ARHGAP10: variants seen among roughly 807,000 people sequenced by gnomAD.
ARHGAP10 encodes rho GTPase-activating protein 10.
Under a neutral mutation model 108.6 loss-of-function variants are expected in ARHGAP10, and 87 were observed. That is an observed-to-expected ratio of 0.80 (90% CI 0.67 to 0.96). ARHGAP10 has a LOEUF of 0.96. Among genes scored for constraint, ARHGAP10 ranks in the 40% least tolerant of loss-of-function variants. The pLI is 0.00. For synonymous variants in ARHGAP10, 347 were observed against 341.1 expected (o/e 1.02, Z -0.19); for missense variants, 939 against 954.5 (o/e 0.98, Z 0.21).
chr4:147,967,765 C>T (rs1739260784), intron 18 of ARHGAP10, among the ~76,000 whole-genome samples: 2 of 152,070 alleles, frequency 1.3e-5, no homozygotes, highest in Non-Finnish European at 2.9e-5. Context: ...ATCTGCAAGG[C>T]TTTTCTGTAA....
intron 1 of ARHGAP10, among the ~76,000 whole-genome samples, chr4:147,817,102 T>G (rs934044724): frequency 6.6e-6 from 1 of 152,208 alleles, no homozygotes; most frequent in Non-Finnish European, 1.5e-5. Context: ...TAAAGAATCT[T>G]GTATTCAGAT....
rs1303312285 is a variant in ARHGAP10 at position 147,815,521 on chromosome 4, A to T, written c.155-7206A>T. Reference sequence around the variant, plus strand: ...CTTGGATTATCGTAGGGCCCATTGTAATCACAGTGGTCCTTAAAAGAGAGA... The same window carrying T: ...CTTGGATTATCGTAGGGCCCATTGTTATCACAGTGGTCCTTAAAAGAGAGA... On this transcript the variant is annotated intron_variant, in intron 1 of 22. Coordinates refer to ENST00000336498, the MANE Select transcript of ARHGAP10 (RefSeq NM_024605.4). 2.0e-5 allele frequency among the ~76,000 whole-genome samples: 3 copies of T among 152,128 alleles called. No individual in the cohort carries two copies. In the East Asian group the frequency reaches 5.8e-4, roughly 29 times the overall value.
At chr4:148,049,455 G>C (rs201015180) in intron 20 of ARHGAP10, among the ~76,000 whole-genome samples, 2 of 152,188 alleles carry the variant, frequency 1.3e-5, no homozygotes, top group African/African-American at 4.8e-5. Context: ...GTGCGTTGCT[G>C]TCCTCCCAGT....
chr4:147,746,400 C>A (rs1454742422), intron 1 of ARHGAP10, among the ~76,000 whole-genome samples: 4 of 148,460 alleles, frequency 2.7e-5, no homozygotes, highest in Non-Finnish European at 4.4e-5. Context: ...CTGCGCCAGG[C>A]CTGCTTTTTT....
At chr4:147,732,977 C>G (rs961657763) in intron 1 of ARHGAP10, among the ~76,000 whole-genome samples, 2 of 152,184 alleles carry the variant, frequency 1.3e-5, no homozygotes, top group African/African-American at 2.4e-5. Flanking sequence ...CTGATCTTCC[C>G]CGACAGTCCT....
intron 13 of ARHGAP10, among the ~76,000 whole-genome samples, chr4:147,927,764 A>G (rs538921689): frequency 1.3e-5 from 2 of 152,316 alleles, no homozygotes; most frequent in South Asian, 4.1e-4. Flanking sequence ...TCCTAAGGGA[A>G]GGCGCAGAGG....
At chr4:148,028,383 T>G (rs377079900) in intron 19 of ARHGAP10, among the ~76,000 whole-genome samples, 1 of 152,196 alleles carries the variant, frequency 6.6e-6, no homozygotes, top group Non-Finnish European at 1.5e-5. Flanking sequence ...CTGGGGAATA[T>G]GTATCCTGAC....
intron 1 of ARHGAP10, among the ~76,000 whole-genome samples, chr4:147,765,337 T>TGTGG (rs540944488): frequency 0.024 from 1,396 of 57,938 alleles, 27 homozygotes; most frequent in Middle Eastern, 0.035. Flanking sequence ...TGTGTGTGTG[T>TGTGG]GGGGGGGGGG....
chr4:147,981,832 T>C (rs1739818166), intron 18 of ARHGAP10, among the ~76,000 whole-genome samples: 1 of 152,152 alleles, frequency 6.6e-6, no homozygotes, highest in Non-Finnish European at 1.5e-5. Context: ...TTTTTTTTAC[T>C]GTTGTTGGTT....
At chr4:147,806,275 A>G (rs1731780316) in intron 1 of ARHGAP10, among the ~76,000 whole-genome samples, 1 of 152,062 alleles carries the variant, frequency 6.6e-6, no homozygotes, top group Non-Finnish European at 1.5e-5. Context: ...AGTTACATAT[A>G]TCTATTATCT....
In ARHGAP10 at chr4:147,893,483, A is replaced by G. The variant is rs1735870298; in HGVS notation, c.1034+11551A>G. Among the ~76,000 whole-genome samples, 4 of 147,756 alleles carry G rather than the reference A, an allele frequency of 2.7e-5. No homozygotes were observed. The Admixed American group carries it at 2.7e-4, about 10-fold the overall frequency. On this transcript the variant is annotated intron_variant, in intron 10 of 22. Coordinates refer to ENST00000336498, the MANE Select transcript of ARHGAP10 (RefSeq NM_024605.4). The stretch of plus-strand genomic sequence containing the variant: ...ATATATAATACTATTCTATATATAT[A>G]GAAATACATATTTCAATAAAAAGGT...
chr4:147,983,385 C>A (rs891527760), intron 18 of ARHGAP10, among the ~76,000 whole-genome samples: 20 of 151,926 alleles, frequency 1.3e-4, no homozygotes, highest in African/African-American at 4.6e-4. Context: ...CAGGGTTTCA[C>A]CGTGTTAGCC....
Position 147,767,884 on chromosome 4 carries a change from A to G in ARHGAP10, c.154+35429A>G, listed in dbSNP as rs1351247794. On this transcript the variant is annotated intron_variant, in intron 1 of 22. Coordinates refer to ENST00000336498, the MANE Select transcript of ARHGAP10 (RefSeq NM_024605.4). The stretch of plus-strand genomic sequence containing the variant: ...TTATCAAGGGAATAGCTCTTAAATA[A>G]CAGGACAGACACATTAGAGCCCTTT... 2.6e-5 allele frequency among the ~76,000 whole-genome samples: 4 copies of G among 152,226 alleles called. 1 individual carries two copies. Among genetic ancestry groups the G allele is most frequent in the South Asian group, 2.1e-4 (1 of 4,830 alleles).
At chr4:147,786,637 A>G (rs763407344) in intron 1 of ARHGAP10, among the ~76,000 whole-genome samples, 6 of 152,240 alleles carry the variant, frequency 3.9e-5, no homozygotes, top group Non-Finnish European at 8.8e-5. Flanking sequence ...GGTAACTTAA[A>G]GCATTGGTAA....
At chr4:147,930,384 T>C (rs1737630819) in intron 13 of ARHGAP10, among the ~76,000 whole-genome samples, 1 of 152,222 alleles carries the variant, frequency 6.6e-6, no homozygotes, top group Non-Finnish European at 1.5e-5. Context: ...TTTCAATTCA[T>C]TTGTTAAATA....
chr4:148,070,790 A>G (rs753509690), intron 22 of ARHGAP10, among the ~76,000 whole-genome samples: 2 of 152,076 alleles, frequency 1.3e-5, no homozygotes, highest in Non-Finnish European at 2.9e-5. Context: ...GGAGTAGCTC[A>G]TGCCTCCCCT....
chr4:147,971,636 G>A (rs1336645442), intron 18 of ARHGAP10, among the ~76,000 whole-genome samples: 3 of 152,158 alleles, frequency 2.0e-5, no homozygotes, highest in Non-Finnish European at 2.9e-5. Flanking sequence ...GAGGAGGTAC[G>A]TGTTCTGGGA....
chr4:147,914,138 C>T (rs527917143), intron 13 of ARHGAP10, among the ~76,000 whole-genome samples: 31 of 152,134 alleles, frequency 2.0e-4, no homozygotes, highest in African/African-American at 4.8e-4. Flanking sequence ...GGTGATAGAG[C>T]GAGATTGCAT....
intron 18 of ARHGAP10, among the ~76,000 whole-genome samples, chr4:147,988,234 A>G (rs956785880): frequency 6.6e-5 from 10 of 152,190 alleles, no homozygotes; most frequent in African/African-American, 2.2e-4. Flanking sequence ...ACCTGAGCCT[A>G]TTGGTTGACT....
Sources: gnomAD v4.1 joint callset for allele counts (sites outside exome capture counted in the v4.1 genomes callset) on GRCh38, gnomAD v4.1.1 for gene constraint, MANE v1.5 for transcripts, NCBI Gene and HGNC (gene_info 2026-07-23, HGNC 2026-07-21) for gene names.